The following STPG4 variants were observed in gnomAD, a reference collection of about 807,000 sequenced individuals.
The protein encoded by STPG4 is protein STPG4.
A neutral mutation model predicts 31.5 loss-of-function variants in STPG4; 41 were observed. The ratio of observed to expected loss-of-function variants is 1.30; its 90% CI spans 1.01 to 1.69. STPG4 has a LOEUF of 1.69. Ranked by LOEUF, STPG4 falls within the 40% of genes most tolerant of loss-of-function variation. The pLI is 0.00. For synonymous variants in STPG4, 141 were observed against 103.0 expected (o/e 1.37, Z -2.24); for missense variants, 375 against 293.4 (o/e 1.28, Z -2.03).
chr2:47,119,630 C>T (rs1686226491), intron 5 of STPG4, among the ~76,000 whole-genome samples: 1 of 152,116 alleles, frequency 6.6e-6, no homozygotes, highest in African/African-American at 2.4e-5. Context: ...GCCAACTGAA[C>T]ACATGCATTT....
At chr2:47,097,081 C>G (rs971576015) in intron 5 of STPG4, among the ~76,000 whole-genome samples, 1 of 151,932 alleles carries the variant, frequency 6.6e-6, no homozygotes, top group East Asian at 1.9e-4. Context: ...GGCAAAGGCA[C>G]GGAGCAAGCA....
intron 5 of STPG4, among the ~76,000 whole-genome samples, chr2:47,125,351 G>A (rs965153499): frequency 6.6e-6 from 1 of 152,122 alleles, no homozygotes; most frequent in South Asian, 2.1e-4. Flanking sequence ...CACTAGGGAG[G>A]TCGAGGCTGC....
intron 5 of STPG4, among the ~76,000 whole-genome samples, chr2:47,114,954 G>A (rs1194331040): frequency 6.6e-6 from 1 of 152,040 alleles, no homozygotes; most frequent in Non-Finnish European, 1.5e-5. Context: ...TTTTAGTAGA[G>A]ACAGGGTCTC....
At chr2:47,105,844 G>A (rs149324344) in intron 5 of STPG4, among the ~76,000 whole-genome samples, 2,162 of 152,164 alleles carry the variant, frequency 0.014, 91 homozygotes, top group African/African-American at 0.049. Flanking sequence ...TGTCCATGCT[G>A]CAATATGGAA....
intron 3 of STPG4, among the ~76,000 whole-genome samples, chr2:47,143,703 T>C (rs1686762471): frequency 6.6e-6 from 1 of 152,166 alleles, no homozygotes; most frequent in African/African-American, 2.4e-5. Flanking sequence ...TTAGCCATGA[T>C]GGTCTCGATC....
chr2:47,090,806 G>T (rs1433377174), intron 5 of STPG4, among the ~76,000 whole-genome samples: 2 of 152,210 alleles, frequency 1.3e-5, no homozygotes, highest in African/African-American at 4.8e-5. Flanking sequence ...TGTCATATAT[G>T]TTATCTCAGT....
At chr2:47,111,964 G>C (rs999538730) in intron 5 of STPG4, among the ~76,000 whole-genome samples, 1 of 152,144 alleles carries the variant, frequency 6.6e-6, no homozygotes, top group Non-Finnish European at 1.5e-5. Flanking sequence ...CACAAAGAAG[G>C]CTGCATGTTT....
intron 3 of STPG4, among the ~76,000 whole-genome samples, chr2:47,145,296 C>T (rs981858922): frequency 6.6e-6 from 1 of 152,148 alleles, no homozygotes; most frequent in African/African-American, 2.4e-5. Flanking sequence ...GAATTTGAGA[C>T]CCTAGAAAGG....
chr2:47,135,490 G>A (rs1222712712), intron 3 of STPG4, among the ~76,000 whole-genome samples: 3 of 152,084 alleles, frequency 2.0e-5, no homozygotes, highest in Admixed American at 2.0e-4. Flanking sequence ...AGGTTCAAAC[G>A]ATTCTCCTGC....
intron 5 of STPG4, among the ~76,000 whole-genome samples, chr2:47,091,525 G>T (rs1485490284): frequency 6.6e-6 from 1 of 152,046 alleles, no homozygotes; most frequent in African/African-American, 2.4e-5. Flanking sequence ...AATAGCTAGG[G>T]TTCCTTGCCT....
At chr2:47,118,481 A>G (rs1010409598) in intron 5 of STPG4, among the ~76,000 whole-genome samples, 3 of 152,226 alleles carry the variant, frequency 2.0e-5, no homozygotes, top group Admixed American at 1.3e-4. Context: ...TGATAATAGA[A>G]ATAAGGTGCA....
Position 47,142,333 on chromosome 2 carries a change from A to G in STPG4, c.399+8925T>C, listed in dbSNP as rs532406434. On this transcript the variant is annotated intron_variant, in intron 3 of 6. Transcript: ENST00000445927. ...AATTGCCAAATTTGTTTCATTTTCC[A>G]TGAGCTCCATCTTCCAAGGCAATGC... is the stretch of plus-strand genomic sequence containing the variant. Among the ~76,000 whole-genome samples, 6 of 152,244 alleles carry G rather than the reference A, an allele frequency of 3.9e-5. No individual in the cohort carries two copies. The South Asian group carries it at 6.2e-4, about 16-fold the overall frequency.
At chr2:47,100,266 G>C (rs34998662) in intron 5 of STPG4, among the ~76,000 whole-genome samples, 8,209 of 150,264 alleles carry the variant, frequency 0.055, 343 homozygotes, top group African/African-American at 0.11. Flanking sequence ...TCAGCACTCT[G>C]TATCTAGCTC....
chr2:47,130,275 C>A lies in STPG4; in HGVS notation c.400-15G>T, dbSNP rs1378176142. Reference sequence around the variant, plus strand: ...AGCTGAAGTGACTGCACAGAATGGACAAGGACACCAATAGATTAATAGAGG... The same window carrying A: ...AGCTGAAGTGACTGCACAGAATGGAAAAGGACACCAATAGATTAATAGAGG... On this transcript the variant is annotated splice_polypyrimidine_tract_variant and intron_variant, in intron 3 of 6. Transcript: ENST00000445927. 1 of 1,609,760 alleles carries A rather than the reference C, an allele frequency of 6.2e-7. No homozygotes were observed.
chr2:47,119,106 C>T (rs559707606), intron 5 of STPG4, among the ~76,000 whole-genome samples: 15 of 152,298 alleles, frequency 9.8e-5, no homozygotes, highest in South Asian at 2.1e-4. Context: ...CCACACTGCA[C>T]GCCACCATCT....
chr2:47,122,321 T>G (rs533151174), intron 5 of STPG4, among the ~76,000 whole-genome samples: 16 of 152,212 alleles, frequency 1.1e-4, no homozygotes, highest in Admixed American at 1.0e-3. Flanking sequence ...TTTTCTGATA[T>G]ACAAAGCATT....
chr2:47,119,221 G>A (rs1686213149), intron 5 of STPG4, among the ~76,000 whole-genome samples: 1 of 152,216 alleles, frequency 6.6e-6, no homozygotes, highest in Admixed American at 6.5e-5. Context: ...AGACAGACAT[G>A]AATCACAGCC....
intron 5 of STPG4, among the ~76,000 whole-genome samples, chr2:47,126,592 G>A (rs2347608): frequency 0.67 from 101,153 of 152,028 alleles, 36,317 homozygotes; most frequent in East Asian, 0.92. Context: ...CTCCCAAAGT[G>A]CTGAGATTAT....
Position 47,129,995 on chromosome 2 carries a change from C to G in STPG4, c.465G>C (p.Arg155Ser). The change falls in exon 5 of 7, where the codon AGG becomes AGC. Residue 155 changes from arginine (R) to serine (S), a missense_variant and splice_region_variant. Physicochemically the swap from Arg to Ser is moderately radical, Grantham distance 110 (BLOSUM62 -1). Transcript: ENST00000445927. ...GAACTGTTGAGCGAAATACACAGCT[C>G]CTATATTTCAAAATAAAAAAGAAAA... ...LPAPVPKYAS[R>S]SCVFRSTVQR... The G allele has an allele frequency of 6.5e-7, 1 of 1,545,314 alleles. No homozygotes were observed. Among genetic ancestry groups the G allele is most frequent in the South Asian group, 1.2e-5 (1 of 85,980 alleles).
Sources: allele counts gnomAD v4.1 joint callset (sites outside exome capture counted in the v4.1 genomes callset), GRCh38; gene constraint gnomAD v4.1.1; transcripts MANE v1.5; gene names NCBI Gene and HGNC (gene_info 2026-07-23, HGNC 2026-07-21).